The following OSBPL10 variants were observed in gnomAD, a reference collection of about 807,000 sequenced individuals.
OSBPL10 encodes oxysterol binding protein like 10.
Under a neutral mutation model 81.7 loss-of-function variants are expected in OSBPL10, and 49 were observed. That is an observed-to-expected ratio of 0.60 (90% CI 0.48 to 0.76). OSBPL10 has a LOEUF of 0.76. Among genes scored for constraint, OSBPL10 ranks in the 30% least tolerant of loss-of-function variants. OSBPL10 has a pLI of 0.00. For missense variants in OSBPL10, 923 were observed against 987.8 expected (o/e 0.93, Z 0.88); for synonymous variants, 419 against 383.6 (o/e 1.09, Z -1.08).
At chr3:31,933,441 G>GT (rs1221450688) in intron 1 of OSBPL10, among the ~76,000 whole-genome samples, 1 of 151,142 alleles carries the variant, frequency 6.6e-6, no homozygotes, top group African/African-American at 2.4e-5. Flanking sequence ...GTCTCTTGCT[G>GT]TTGCCCAGGC....
chr3:31,943,603 G>GCAC (rs1697598950), intron 1 of OSBPL10, among the ~76,000 whole-genome samples: 2 of 151,986 alleles, frequency 1.3e-5, no homozygotes, highest in Non-Finnish European at 2.9e-5. Flanking sequence ...AGACATACAT[G>GCAC]GATATTTTAA....
In OSBPL10 at chr3:31,722,893, T is replaced by C. The variant is rs149450166; in HGVS notation, c.1095+10364A>G. Among the ~76,000 whole-genome samples, 166 of 152,272 alleles carry C rather than the reference T, an allele frequency of 1.1e-3. 1 individual carries two copies. Among genetic ancestry groups the C allele is most frequent in the African/African-American group, 3.9e-3 (160 of 41,552 alleles). ...ATTTTTAAATAACTATTAACAAAGTTATATACATTTCTTATATTTTTTTTA... is the reference window on the plus strand; with the variant it reads ...ATTTTTAAATAACTATTAACAAAGTCATATACATTTCTTATATTTTTTTTA... On this transcript the variant is annotated intron_variant, in intron 6 of 11. Coordinates refer to ENST00000396556, the MANE Select transcript of OSBPL10 (RefSeq NM_017784.5).
intron 4 of OSBPL10, among the ~76,000 whole-genome samples, chr3:31,817,378 A>G (rs983683621): frequency 6.6e-6 from 1 of 152,128 alleles, no homozygotes; most frequent in Non-Finnish European, 1.5e-5. Context: ...AGACATCCTC[A>G]AGCCAGTAAG....
intron 6 of OSBPL10, among the ~76,000 whole-genome samples, chr3:31,715,273 T>C (rs1696396934): frequency 6.6e-6 from 1 of 152,236 alleles, no homozygotes; most frequent in Non-Finnish European, 1.5e-5. Context: ...GCTACCATAT[T>C]GGACAGCATA....
At chr3:31,756,059 A>G (rs1376417139) in intron 4 of OSBPL10, among the ~76,000 whole-genome samples, 1 of 152,234 alleles carries the variant, frequency 6.6e-6, no homozygotes, top group Non-Finnish European at 1.5e-5. Flanking sequence ...ATGTGAGATC[A>G]TAACACAACT....
chr3:32,055,838 C>T (rs867356878), intron 1 of OSBPL10, among the ~76,000 whole-genome samples: 1 of 152,192 alleles, frequency 6.6e-6, no homozygotes, highest in East Asian at 1.9e-4. Context: ...TTCTGACAGG[C>T]CCAGGAGCCC....
intron 4 of OSBPL10, among the ~76,000 whole-genome samples, chr3:31,812,346 A>G (rs1366217361): frequency 2.6e-5 from 4 of 152,202 alleles, no homozygotes; most frequent in Non-Finnish European, 4.4e-5. Context: ...CCAGGTTATT[A>G]TAACAGATAA....
intron 2 of OSBPL10, among the ~76,000 whole-genome samples, chr3:32,004,442 A>G (rs1699183186): frequency 6.6e-6 from 1 of 152,208 alleles, no homozygotes; most frequent in Non-Finnish European, 1.5e-5. Flanking sequence ...TGGGGAAGAC[A>G]ACTGTTAAGC....
At chr3:32,013,288 A>G (rs1699278653) in intron 2 of OSBPL10, among the ~76,000 whole-genome samples, 1 of 152,162 alleles carries the variant, frequency 6.6e-6, no homozygotes, top group South Asian at 2.1e-4. Flanking sequence ...GGATTAAGAA[A>G]CTCACTCAAA....
chr3:31,783,686 G>A (rs1698762484), intron 4 of OSBPL10, among the ~76,000 whole-genome samples: 1 of 147,140 alleles, frequency 6.8e-6, no homozygotes, highest in African/African-American at 2.5e-5. Flanking sequence ...AGCTACTCAG[G>A]AGGCAGAGGG....
chr3:31,983,256 T>C (rs1377540084), upstream of OSBPL10, among the ~76,000 whole-genome samples: 2 of 152,258 alleles, frequency 1.3e-5, no homozygotes, highest in Non-Finnish European at 2.9e-5. Flanking sequence ...AGGTGCATAC[T>C]GGACTATAAA....
intron 2 of OSBPL10, among the ~76,000 whole-genome samples, chr3:32,009,915 T>C (rs1366309358): frequency 1.3e-5 from 2 of 152,222 alleles, no homozygotes; most frequent in Middle Eastern, 3.2e-3. Flanking sequence ...GGCTAAACTA[T>C]TGAAGCATTC....
chr3:31,920,447 G>A (rs1696879048), intron 1 of OSBPL10, among the ~76,000 whole-genome samples: 1 of 152,208 alleles, frequency 6.6e-6, no homozygotes, highest in Non-Finnish European at 1.5e-5. Flanking sequence ...GACTTTGCAA[G>A]TGAGTGGCAT....
intron 8 of OSBPL10, among the ~76,000 whole-genome samples, chr3:31,675,014 G>C (rs930413868): frequency 6.6e-6 from 1 of 152,162 alleles, no homozygotes; most frequent in Non-Finnish European, 1.5e-5. Context: ...CCTTCAGATG[G>C]TCTTATTGGG....
intron 4 of OSBPL10, among the ~76,000 whole-genome samples, chr3:31,770,896 G>C (rs992300050): frequency 1.3e-5 from 2 of 152,138 alleles, no homozygotes; most frequent in African/African-American, 4.8e-5. Context: ...TTTACTGGTC[G>C]AGGGAGCACC....
intron 6 of OSBPL10, among the ~76,000 whole-genome samples, chr3:31,707,983 T>C (rs1012478515): frequency 2.6e-5 from 4 of 152,120 alleles, no homozygotes; most frequent in African/African-American, 9.7e-5. Context: ...ACAAAGGGGA[T>C]AAATCAAGAA....
intron 5 of OSBPL10, among the ~76,000 whole-genome samples, chr3:31,738,147 T>G (rs1697241892): frequency 6.6e-6 from 1 of 152,012 alleles, no homozygotes; most frequent in South Asian, 2.1e-4. Flanking sequence ...CAGAGAACTG[T>G]GGGGGCTGCT....
At chr3:31,937,138 G>A in intron 1 of OSBPL10, among the ~76,000 whole-genome samples, 1 of 152,040 alleles carries the variant, frequency 6.6e-6, no homozygotes. Flanking sequence ...ACAAAAATTA[G>A]CTGGGCATGG....
At chr3:31,908,417 C>T (rs1248986956) in intron 1 of OSBPL10, among the ~76,000 whole-genome samples, 3 of 152,160 alleles carry the variant, frequency 2.0e-5, no homozygotes, top group Admixed American at 1.3e-4. Context: ...AGATTGGTCA[C>T]ATGGAAAAGT....
Sources: allele counts gnomAD v4.1 joint callset (sites outside exome capture counted in the v4.1 genomes callset), GRCh38; gene constraint gnomAD v4.1.1; transcripts MANE v1.5; gene names NCBI Gene and HGNC (gene_info 2026-07-23, HGNC 2026-07-21).